The following DPF3 variants were observed in gnomAD, a reference collection of about 807,000 sequenced individuals.
DPF3 encodes double PHD fingers 3, also known as zinc finger protein DPF3.
DPF3 carries 18 observed loss-of-function variants against 56.8 expected under a neutral mutation model. That is an observed-to-expected ratio of 0.32 (90% CI 0.22 to 0.47). DPF3 has a LOEUF of 0.47. DPF3 is among the 20% of genes least tolerant of loss of function. The pLI is 1.00. For missense variants in DPF3, 403 were observed against 488.8 expected (o/e 0.82, Z 1.65); for synonymous variants, 188 against 180.2 (o/e 1.04, Z -0.35).
chr14:72,705,455 G>T (rs968452754), intron 6 of DPF3, among the ~76,000 whole-genome samples: 3 of 151,988 alleles, frequency 2.0e-5, no homozygotes, highest in Non-Finnish European at 2.9e-5. Context: ...TAGAAATAAA[G>T]GGCACAATAA....
At chr14:72,627,076 G>A (rs763016347) in intron 9 of DPF3, among the ~76,000 whole-genome samples, 6 of 151,834 alleles carry the variant, frequency 4.0e-5, no homozygotes, top group Admixed American at 1.3e-4. Context: ...TTAAACTGTG[G>A]TACATGCTGC....
At chr14:72,787,285 G>A (rs542238077) in intron 1 of DPF3, among the ~76,000 whole-genome samples, 179 of 152,330 alleles carry the variant, frequency 1.2e-3, no homozygotes, top group Non-Finnish European at 2.0e-3. Context: ...AGGGAAAAGC[G>A]GGTCTGCCCC....
intron 1 of DPF3, among the ~76,000 whole-genome samples, chr14:72,828,026 T>C (rs1269617725): frequency 6.6e-6 from 1 of 152,234 alleles, no homozygotes; most frequent in Non-Finnish European, 1.5e-5. Context: ...AAAACAATAA[T>C]GAATACCTTG....
At chr14:72,879,473 T>C (rs1178720635) in intron 1 of DPF3, among the ~76,000 whole-genome samples, 3 of 152,012 alleles carry the variant, frequency 2.0e-5, no homozygotes, top group Admixed American at 2.0e-4. Flanking sequence ...ATTATTTCAG[T>C]GACTGAGAGA....
At chr14:72,792,141 G>A (rs993203165) in intron 1 of DPF3, among the ~76,000 whole-genome samples, 3 of 151,060 alleles carry the variant, frequency 2.0e-5, no homozygotes, top group Admixed American at 6.6e-5. Flanking sequence ...CCAGCCAGGA[G>A]CCATCACTCG....
At chr14:72,684,875 G>T (rs1160636475) in intron 7 of DPF3, among the ~76,000 whole-genome samples, 3 of 152,168 alleles carry the variant, frequency 2.0e-5, no homozygotes, top group Non-Finnish European at 4.4e-5. Flanking sequence ...TCATGAGGGT[G>T]GGGTCCTCGT....
intron 1 of DPF3, among the ~76,000 whole-genome samples, chr14:72,788,931 C>T (rs1892319413): frequency 6.6e-6 from 1 of 152,228 alleles, no homozygotes; most frequent in Non-Finnish European, 1.5e-5. Context: ...TTTGTCTTCA[C>T]CTGATGCCAT....
At chr14:72,661,749 T>C in intron 8 of DPF3, 1 of 985,366 alleles carries the variant, frequency 1.0e-6, no homozygotes, top group Non-Finnish European at 1.2e-6. Flanking sequence ...CTCTGGAAGC[T>C]CAGGCCCCAG....
chr14:72,643,900 A>G (rs1183781846), intron 8 of DPF3, among the ~76,000 whole-genome samples: 2 of 152,090 alleles, frequency 1.3e-5, no homozygotes, highest in Non-Finnish European at 2.9e-5. Context: ...CTATACTACA[A>G]TCGAGACACC....
intron 3 of DPF3, among the ~76,000 whole-genome samples, chr14:72,749,920 A>G (rs1224147132): frequency 2.0e-5 from 3 of 152,068 alleles, no homozygotes; most frequent in Admixed American, 1.3e-4. Context: ...TGTAGCCCTC[A>G]CTACGCTCAC....
Position 72,832,290 on chromosome 14 carries a change from T to TA in DPF3, c.33-60398dup, listed in dbSNP as rs567420922. On this transcript the variant is annotated intron_variant, in intron 1 of 10. Coordinates refer to ENST00000556509, the MANE Select transcript of DPF3 (RefSeq NM_001280542.3). ...TAAAGCACTAACTAGCAATCTAAGATAAAAAATTTTTTTAAAAAAATCACT... is the reference window on the plus strand; with the variant it reads ...TAAAGCACTAACTAGCAATCTAAGATAAAAAAATTTTTTTAAAAAAATCACT... Among the ~76,000 whole-genome samples the TA allele has an allele frequency of 7.2e-5, 11 of 152,228 alleles. No individual in the cohort carries two copies. In the East Asian group the frequency reaches 1.7e-3, roughly 24 times the overall value.
chr14:72,712,221 G>A (rs191858565), intron 6 of DPF3, among the ~76,000 whole-genome samples: 2 of 152,308 alleles, frequency 1.3e-5, no homozygotes, highest in African/African-American at 2.4e-5. Flanking sequence ...GAGCCTGCGG[G>A]GAGGGCATCG....
chr14:72,751,222 A>C (rs1315147437), intron 3 of DPF3, among the ~76,000 whole-genome samples: 1 of 152,214 alleles, frequency 6.6e-6, no homozygotes, highest in African/African-American at 2.4e-5. Context: ...AATTAAAAAA[A>C]CTGTACATGT....
intron 7 of DPF3, among the ~76,000 whole-genome samples, chr14:72,690,603 CACA>C (rs2153572762): frequency 6.6e-6 from 1 of 151,436 alleles, no homozygotes; most frequent in Admixed American, 6.6e-5. Flanking sequence ...CACACGCACA[CACA>C]ACATGCACGC....
intron 3 of DPF3, among the ~76,000 whole-genome samples, chr14:72,749,211 G>T (rs1890452996): frequency 6.6e-6 from 1 of 152,248 alleles, no homozygotes; most frequent in Non-Finnish European, 1.5e-5. Flanking sequence ...GCATCAGCAT[G>T]ACCTGGATAT....
At chr14:72,620,660 C>G (rs1332603569) in intron 9 of DPF3, among the ~76,000 whole-genome samples, 1 of 152,222 alleles carries the variant, frequency 6.6e-6, no homozygotes, top group Admixed American at 6.5e-5. Flanking sequence ...CTCTGCATGT[C>G]CATTCCCTGC....
At chr14:72,660,981 G>C (rs763882348) in intron 8 of DPF3, 1 of 828,610 alleles carries the variant, frequency 1.2e-6, no homozygotes, top group Non-Finnish European at 1.5e-6. Flanking sequence ...GCCGCATGAC[G>C]GCGTGAAAGT....
chr14:72,812,318 A>G (rs1319984103), intron 1 of DPF3, among the ~76,000 whole-genome samples: 1 of 152,094 alleles, frequency 6.6e-6, no homozygotes, highest in Non-Finnish European at 1.5e-5. Context: ...CAAAATAGCG[A>G]GGAGCTGGAA....
At chr14:72,771,339 A>G (rs1163504097) in intron 2 of DPF3, among the ~76,000 whole-genome samples, 1 of 152,144 alleles carries the variant, frequency 6.6e-6, no homozygotes, top group Non-Finnish European at 1.5e-5. Context: ...AACCTGAGGG[A>G]CAGAAGTTTG....
Sources: allele counts gnomAD v4.1 joint callset (sites outside exome capture counted in the v4.1 genomes callset), GRCh38; gene constraint gnomAD v4.1.1; transcripts MANE v1.5; gene names NCBI Gene and HGNC (gene_info 2026-07-23, HGNC 2026-07-21).